The following POU2F1 variants were observed in gnomAD, a reference collection of about 807,000 sequenced individuals.
POU2F1 encodes the protein POU class 2 homeobox 1.
In POU2F1, 16 loss-of-function variants were observed where a neutral mutation model predicts 84.9. That is an observed-to-expected ratio of 0.19 (90% CI 0.13 to 0.29). The LOEUF (loss-of-function observed/expected upper bound fraction) is 0.29. Among genes scored for constraint, POU2F1 ranks in the 10% least tolerant of loss-of-function variants. The pLI is 1.00. For missense variants in POU2F1, 738 were observed against 942.6 expected, an observed-to-expected ratio of 0.78 and a Z score of 2.84; for synonymous variants, 368 against 368.3, an observed-to-expected ratio of 1.00 and a Z score of 0.01.
At chr1:167,244,447 T>C (rs1265220594) in intron 1 of POU2F1, among the ~76,000 whole-genome samples, 2 of 152,370 alleles carry the variant, frequency 1.3e-5, no homozygotes, top group South Asian at 2.1e-4. Context: ...TGTGGACTTC[T>C]CTGGCTTGCT....
At chr1:167,377,875 A>G (rs750370700) in intron 7 of POU2F1, among the ~76,000 whole-genome samples, 2 of 151,986 alleles carry the variant, frequency 1.3e-5, no homozygotes, top group Non-Finnish European at 2.9e-5. Flanking sequence ...TTGTGTACAT[A>G]TGTACTGAAA....
intron 1 of POU2F1, among the ~76,000 whole-genome samples, chr1:167,258,239 G>A (rs1185931744): frequency 6.6e-6 from 1 of 152,102 alleles, no homozygotes; most frequent in African/African-American, 2.4e-5. Flanking sequence ...GTAACATTTT[G>A]CTTCATTTTC....
chr1:167,274,525 G>A (rs1320485658), intron 1 of POU2F1, among the ~76,000 whole-genome samples: 2 of 151,888 alleles, frequency 1.3e-5, no homozygotes, highest in African/African-American at 4.8e-5. Context: ...TTTTAAATAG[G>A]TAGTTACCTA....
At chr1:167,268,621 C>G (rs114647923) in intron 1 of POU2F1, among the ~76,000 whole-genome samples, 1,893 of 152,282 alleles carry the variant, frequency 0.012, 25 homozygotes, top group Non-Finnish European at 0.019. Context: ...TCCTCATTAC[C>G]TCACGTTTTC....
At chr1:167,273,139 A>G (rs1233710937) in intron 1 of POU2F1, among the ~76,000 whole-genome samples, 3 of 152,158 alleles carry the variant, frequency 2.0e-5, no homozygotes, top group East Asian at 1.9e-4. Flanking sequence ...CTTTGACTCT[A>G]TGTCTCATAT....
chr1:167,292,498 C>A (rs1653996758), intron 1 of POU2F1, among the ~76,000 whole-genome samples: 2 of 147,712 alleles, frequency 1.4e-5, no homozygotes, highest in East Asian at 2.0e-4. Context: ...AAAAAAAAAA[C>A]TTGCCAACAA....
rs1169622314 is a variant in POU2F1, at chr1:167,417,180, A to G, written c.*1370A>G. The stretch of plus-strand genomic sequence containing the variant: ...CTTCCTTTCCACTGGATGGTTTATA[A>G]ATTCCTCTAACCCTGAGATTCTTCT... On this transcript the variant is annotated 3_prime_UTR_variant, in exon 16 of 16. Coordinates refer to ENST00000367866, the MANE Select transcript of POU2F1 (RefSeq NM_002697.4). The G allele has an allele frequency of 6.6e-6, 1 of 152,172 alleles. No individual in the cohort carries two copies. Among genetic ancestry groups the G allele is most frequent in the Non-Finnish European group, 1.5e-5 (1 of 68,036 alleles). 9.4% of individuals were successfully genotyped at this position (152,172 alleles called of 1,614,324 possible).
chr1:167,367,878 T>TCTAA (rs1659782176), intron 3 of POU2F1, among the ~76,000 whole-genome samples: 1 of 152,042 alleles, frequency 6.6e-6, no homozygotes, highest in Non-Finnish European at 1.5e-5. Context: ...TTGCCTTGCA[T>TCTAA]CTAACTGTGA....
intron 2 of POU2F1, among the ~76,000 whole-genome samples, chr1:167,341,183 T>G (rs1415859364): frequency 6.6e-6 from 1 of 152,236 alleles, no homozygotes; most frequent in African/African-American, 2.4e-5. Context: ...TCTTCAGACT[T>G]CATTGCAGCC....
intron 2 of POU2F1, among the ~76,000 whole-genome samples, chr1:167,359,350 T>TTCCCTTCCCCC (rs1296706724): frequency 6.6e-6 from 1 of 152,182 alleles, no homozygotes; most frequent in Admixed American, 6.5e-5. Context: ...TGCCTTCTCC[T>TTCCCTTCCCCC]TCCCTTCCCC....
intron 2 of POU2F1, among the ~76,000 whole-genome samples, chr1:167,354,103 A>G (rs1398117462): frequency 1.3e-5 from 2 of 152,222 alleles, no homozygotes; most frequent in Admixed American, 6.5e-5. Flanking sequence ...ACATATACCT[A>G]TAATTCATTT....
intron 1 of POU2F1, among the ~76,000 whole-genome samples, chr1:167,329,638 G>A (rs1656947540): frequency 6.6e-6 from 1 of 152,064 alleles, no homozygotes; most frequent in South Asian, 2.1e-4. Flanking sequence ...TCTGAAACAA[G>A]GCATAGAACT....
intron 13 of POU2F1, among the ~76,000 whole-genome samples, chr1:167,407,643 T>C (rs1020169271): frequency 1.3e-5 from 2 of 152,116 alleles, no homozygotes; most frequent in Non-Finnish European, 2.9e-5. Flanking sequence ...GGCAATTCAA[T>C]AGGGAAAGGA....
chr1:167,377,308 CA>C (rs1392389171), intron 7 of POU2F1, among the ~76,000 whole-genome samples: 1 of 152,112 alleles, frequency 6.6e-6, no homozygotes, highest in Non-Finnish European at 1.5e-5. Flanking sequence ...CATTAATGGC[CA>C]GGCGTGGTGG....
intron 1 of POU2F1, among the ~76,000 whole-genome samples, chr1:167,258,562 T>C (rs1232577833): frequency 6.6e-6 from 1 of 151,498 alleles, no homozygotes; most frequent in African/African-American, 2.5e-5. Flanking sequence ...TATATGTGTG[T>C]GTCTGTATAC....
chr1:167,386,112 A>G (rs147726396), intron 8 of POU2F1, among the ~76,000 whole-genome samples: 1 of 152,216 alleles, frequency 6.6e-6, no homozygotes, highest in Admixed American at 6.5e-5. Flanking sequence ...GCAAGAAGGT[A>G]AAGCGACTAG....
chr1:167,334,721 T>C (rs902642028), intron 2 of POU2F1, among the ~76,000 whole-genome samples: 1 of 152,224 alleles, frequency 6.6e-6, no homozygotes, highest in Admixed American at 6.5e-5. Context: ...ATATTAGATA[T>C]AAAATTACAG....
chr1:167,383,329 G>A (rs1647708162), intron 7 of POU2F1: 1 of 152,218 alleles, frequency 6.6e-6, no homozygotes, highest in Non-Finnish European at 1.5e-5. Flanking sequence ...TCATCATGAA[G>A]CATTGGTGGC....
chr1:167,304,915 AAG>A (rs1654955608), intron 1 of POU2F1, among the ~76,000 whole-genome samples: 1 of 152,224 alleles, frequency 6.6e-6, no homozygotes, highest in Non-Finnish European at 1.5e-5. Context: ...ATGTTATAGA[AAG>A]AGTATTATTC....
Sources: gnomAD v4.1 joint callset for allele counts (sites outside exome capture counted in the v4.1 genomes callset) on GRCh38, gnomAD v4.1.1 for gene constraint, MANE v1.5 for transcripts, NCBI Gene and HGNC (gene_info 2026-07-23, HGNC 2026-07-21) for gene names.